DPF1: variants seen among roughly 807,000 people sequenced by gnomAD.
DPF1 encodes the protein double PHD fingers 1.
A neutral mutation model predicts 58.7 loss-of-function variants in DPF1; 14 were observed. The observed-to-expected ratio is 0.24, with a 90% CI of 0.16 to 0.37. DPF1 has a LOEUF of 0.37. Ranked by LOEUF, DPF1 falls within the 10% of genes least tolerant of loss-of-function variation. The probability of loss-of-function intolerance (pLI) is 1.00; values close to 1 mark genes in which losing one functional copy is unlikely to be tolerated. For missense variants in DPF1, 345 were observed against 529.9 expected (o/e 0.65, Z 3.43); for synonymous variants, 216 against 216.0 (o/e 1.00, Z 0.00).
At chr19:38,213,464 A>T (rs1255102012) in intron 10 of DPF1, among the ~76,000 whole-genome samples, 180 bp downstream of exon 10, 1 of 152,148 alleles carries the variant, frequency 6.6e-6, no homozygotes, top group East Asian at 1.9e-4. Flanking sequence ...GGTTGGGAGG[A>T]TCCAGAGAGA....
chr19:38,216,377 G>A lies in DPF1; in HGVS notation c.754C>T (p.Pro252Ser). Residue 252 changes from proline to serine, a missense_variant, in exon 8 of 12, where the codon CCT (proline) becomes TCT (serine). Pro to Ser is a moderately conservative substitution (Grantham distance 74). Coordinates refer to ENST00000355526, the MANE Select transcript of DPF1 (RefSeq NM_001135155.3). Reference protein sequence around the residue: ...KQFYKELAWVPEAQRKHTAKK... With the variant: ...KQFYKELAWVSEAQRKHTAKK... ...CCTGTGTGTTTCCTTTGTGCCTCAG[G>A]GACCCAGGCCAATTCTTTGTAAAAC... The A allele has an allele frequency of 6.3e-7, 1 of 1,597,756 alleles. No individual in the cohort carries two copies. Among genetic ancestry groups the A allele is most frequent in the Non-Finnish European group, 8.5e-7 (1 of 1,171,186 alleles).
At chr19:38,228,286 A>C (rs1048366978), upstream of DPF1, among the ~76,000 whole-genome samples, 24 of 111,456 alleles carry the variant, frequency 2.2e-4, no homozygotes, top group East Asian at 5.7e-4. Flanking sequence ...TCCACCTCCC[A>C]CCCCCATTCC....
Position 38,222,923 on chromosome 19 carries a change from C to A in DPF1, c.30-215G>T. ...AACTGGGACTCAAACAGGCCCCCAG[C>A]TCATGAGTAGAAACACGATACAGAA... On this transcript the variant is annotated intron_variant, in intron 1 of 11. Transcript: ENST00000355526. The surrounding 1 kb of genome is among the most constrained non-coding windows in gnomAD (Gnocchi z 4.9). 1.7e-6 allele frequency: 1 copy of A among 574,702 alleles called. No individual in the cohort carries two copies. Among genetic ancestry groups the A allele is most frequent in the South Asian group, 2.5e-5 (1 of 40,630 alleles). The allele number at this position is 574,702 out of a possible 1,614,324, so 35.6% of individuals were successfully genotyped here.
In DPF1 at chr19:38,211,164, T is replaced by C. The variant is rs1250429446; in HGVS notation, c.*899A>G. The C allele has an allele frequency of 2.0e-5, 3 of 152,252 alleles. No individual in the cohort carries two copies. The highest frequency in any genetic ancestry group is 4.4e-5 in the Non-Finnish European group (3 of 68,154). 9.4% of individuals were successfully genotyped at this position (152,252 alleles called of 1,614,324 possible). On this transcript the variant is annotated 3_prime_UTR_variant, in exon 12 of 12. Transcript: ENST00000355526. The surrounding 1 kb of genome is among the most constrained non-coding windows in gnomAD (Gnocchi z 4.0). ...ACCTCCCCCACCTGCAGTCTCAGTT[T>C]CCCTTTTTTAAAACCCGAACAACAA...
chr19:38,223,489 A>G (rs1472008557), intron 1 of DPF1, among the ~76,000 whole-genome samples: 4 of 151,290 alleles, frequency 2.6e-5, no homozygotes, highest in Admixed American at 2.6e-4. Context: ...ACACATCCAC[A>G]CAGACACACA....
intron 10 of DPF1, 59 bp from the exon 11 acceptor site, chr19:38,212,420 T>TGG (rs1973517519): frequency 7.6e-6 from 1 of 131,252 alleles, no homozygotes; most frequent in East Asian, 1.1e-4. Context: ...GAAACGGGGG[T>TGG]GGGGGGCTGG....
In DPF1 at chr19:38,222,320, C is replaced by A; in HGVS notation, c.298+37G>T. 6.5e-7 allele frequency: 1 copy of A among 1,548,432 alleles called. No individual in the cohort carries two copies. Among genetic ancestry groups the A allele is most frequent in the Non-Finnish European group, 8.8e-7 (1 of 1,142,032 alleles). ...CGAGTGCTAGGACACACAGCAGGCGCTGGGACACCGATGGGGGCCCCAGCG... is the reference window on the plus strand; with the variant it reads ...CGAGTGCTAGGACACACAGCAGGCGATGGGACACCGATGGGGGCCCCAGCG... On this transcript the variant is annotated intron_variant, in intron 3 of 11. Transcript: ENST00000355526. This position sits in a 1 kb window ranked among gnomAD's most constrained non-coding sequence, Gnocchi z 4.9.
rs1267019261 is a variant in DPF1, at chr19:38,211,772, C to G, written c.*291G>C. ...TCTGTCCATGCCCCTGGCTGGCACC[C>G]ACCACCCCCCATGCCCGCCCAGAGG... On this transcript the variant is annotated 3_prime_UTR_variant, in exon 12 of 12. Transcript: ENST00000355526. The surrounding 1 kb of genome is among the most constrained non-coding windows in gnomAD (Gnocchi z 4.0). The G allele has an allele frequency of 3.7e-5, 18 of 483,392 alleles. No homozygotes were observed. Among genetic ancestry groups the G allele is most frequent in the Non-Finnish European group, 4.0e-5 (11 of 273,580 alleles). 29.9% of individuals were successfully genotyped at this position (483,392 alleles called of 1,614,324 possible). A position where few individuals can be genotyped will look rare whatever the true frequency, so the allele number is the denominator to read the frequency against.
chr19:38,213,592 A>G, intron 10 of DPF1, 52 bp downstream of exon 10: 1 of 1,507,334 alleles, frequency 6.6e-7, no homozygotes, highest in South Asian at 1.2e-5. Context: ...GCAGAGGTGG[A>G]CGTGCCAGGC....
rs1001092837 is a variant in DPF1 at position 38,212,057 on chromosome 19, G to A, written c.*6C>T. 7.5e-6 allele frequency: 12 copies of A among 1,609,772 alleles called. No homozygotes were observed. In the African/African-American group the frequency reaches 1.2e-4, roughly 16 times the overall value. ...CCACCCCAGAGTCGCGGCGAGCCGA[G>A]CCGGCCTAGGTGAGGGTGATGTAAG... On this transcript the variant is annotated 3_prime_UTR_variant, in exon 12 of 12. Coordinates refer to ENST00000355526, the MANE Select transcript of DPF1 (RefSeq NM_001135155.3).
chr19:38,212,414 C>T (rs772860828), intron 10 of DPF1, 53 bp from the exon 11 acceptor site: 6 of 140,740 alleles, frequency 4.3e-5, no homozygotes, highest in South Asian at 1.4e-4. Context: ...GCACCAGAAA[C>T]GGGGGTGGGG....
chr19:38,225,830 A>C (rs1967793961), upstream of DPF1, among the ~76,000 whole-genome samples: 1 of 150,756 alleles, frequency 6.6e-6, no homozygotes, highest in African/African-American at 2.4e-5. Context: ...TCGAAGCTGC[A>C]GTGAGCTATG....
chr19:38,222,468 G>A lies in DPF1; in HGVS notation c.191-4C>T. On this transcript the variant is annotated splice_polypyrimidine_tract_variant and splice_region_variant and intron_variant, in intron 2 of 11. Coordinates refer to ENST00000355526, the MANE Select transcript of DPF1 (RefSeq NM_001135155.3). The surrounding 1 kb of genome is among the most constrained non-coding windows in gnomAD (Gnocchi z 4.9). ...TAAATCTGTCCCGGGGCCAAACCTGGAGAGAGAGGGGGGTGAGAGGGCGGC... is the reference window on the plus strand; with the variant it reads ...TAAATCTGTCCCGGGGCCAAACCTGAAGAGAGAGGGGGGTGAGAGGGCGGC... 1 of 1,582,824 alleles carries A rather than the reference G, an allele frequency of 6.3e-7. No individual in the cohort carries two copies. The highest frequency in any genetic ancestry group is 8.5e-7 in the Non-Finnish European group (1 of 1,170,304).
At chr19:38,219,163 G>T in intron 3 of DPF1, 105 bp from the exon 4 acceptor site, 28 of 1,502,228 alleles carry the variant, frequency 1.9e-5, no homozygotes, top group Non-Finnish European at 2.4e-5. Flanking sequence ...GGAAGAGGCT[G>T]CAGAGGCAAG....
chr19:38,224,209 G>T lies in DPF1; in HGVS notation c.-67C>A, dbSNP rs1967713446. On this transcript the variant is annotated 5_prime_UTR_variant, in exon 1 of 12. Coordinates refer to ENST00000355526, the MANE Select transcript of DPF1 (RefSeq NM_001135155.3). The surrounding 1 kb of genome is among the most constrained non-coding windows in gnomAD (Gnocchi z 4.5). The stretch of plus-strand genomic sequence containing the variant: ...CGGTCCTCCCAGCGGTCGGGCGGGC[G>T]CTGAGGCCGCCCATCCATTCATTCC... 1 of 1,332,714 alleles carries T rather than the reference G, an allele frequency of 7.5e-7. No individual in the cohort carries two copies. Among genetic ancestry groups the T allele is most frequent in the South Asian group, 2.3e-5 (1 of 44,416 alleles). 82.6% of individuals were successfully genotyped at this position (1,332,714 alleles called of 1,614,324 possible).
Position 38,212,330 on chromosome 19 carries a change from C to T in DPF1, c.1043G>A (p.Arg348Gln). The change falls in exon 11 of 12, where the codon CGG becomes CAG. Residue 348 changes from arginine (R) to glutamine (Q), a missense_variant. Transcript: ENST00000355526. ...DQLLFCDDCD[R>Q]GYHMYCLSPP... ...ACTCAGGCAGTACATGTGGTAACCC[C>T]GATCGCAGTCATCACAAAACAGCAG... 3 of 1,490,688 alleles carry T rather than the reference C, an allele frequency of 2.0e-6. No homozygotes were observed. Among genetic ancestry groups the T allele is most frequent in the Non-Finnish European group, 2.7e-6 (3 of 1,121,508 alleles). 92.3% of individuals were successfully genotyped at this position (1,490,688 alleles called of 1,614,324 possible). A position where few individuals can be genotyped will look rare whatever the true frequency, so the allele number is the denominator to read the frequency against.
At chr19:38,217,350 G>A (rs960396364) in intron 7 of DPF1, 110 bp downstream of exon 7, 1 of 1,402,580 alleles carries the variant, frequency 7.1e-7, no homozygotes, top group African/African-American at 1.4e-5. Context: ...GAACGGCTGA[G>A]CTGGAGATTT....
chr19:38,218,710 C>T lies in DPF1; in HGVS notation c.427-48G>A, dbSNP rs746897267. 3.7e-6 allele frequency: 6 copies of T among 1,606,130 alleles called. No homozygotes were observed. The African/African-American group carries it at 4.0e-5, about 11-fold the overall frequency. On this transcript the variant is annotated intron_variant, in intron 4 of 11. Transcript: ENST00000355526. ...GGGTCAAGAAAGTGGGGGCCACTGA[C>T]CTGCTTTTGAGGGGCTCTGGGCAAA...
intron 3 of DPF1, among the ~76,000 whole-genome samples, chr19:38,220,269 G>T (rs904498674): frequency 6.8e-6 from 1 of 148,096 alleles, no homozygotes; most frequent in African/African-American, 2.5e-5. Flanking sequence ...AGAAAGGAAG[G>T]AAGGAAAGAA....
Sources: allele counts gnomAD v4.1 joint callset (sites outside exome capture counted in the v4.1 genomes callset), GRCh38; gene constraint gnomAD v4.1.1; non-coding constraint Gnocchi (gnomAD v3.1); transcripts MANE v1.5; gene names NCBI Gene and HGNC (gene_info 2026-07-23, HGNC 2026-07-21).